The following VKORC1 variants were observed in gnomAD, a reference collection of about 807,000 sequenced individuals.
VKORC1 encodes the protein phylloquinone epoxide reductase.
In VKORC1, 12 loss-of-function variants were observed where a neutral mutation model predicts 14.8. The observed-to-expected ratio is 0.81, with a 90% confidence interval of 0.52 to 1.31. The LOEUF (loss-of-function observed/expected upper bound fraction) is 1.31, where lower values mean the gene tolerates loss of function less well. Among genes scored for constraint, VKORC1 ranks in the 50% most tolerant of loss-of-function variants. The probability of loss-of-function intolerance (pLI) is 0.00; values close to 1 mark genes in which losing one functional copy is unlikely to be tolerated. For synonymous variants in VKORC1, 94 were observed against 92.5 expected (o/e 1.02, Z -0.09); for missense variants, 223 against 215.3 (o/e 1.04, Z -0.22).
intron 2 of VKORC1, 127 bp from the exon 3 acceptor site, chr16:31,091,469 G>C: frequency 6.6e-7 from 1 of 1,519,346 alleles, no homozygotes; most frequent in South Asian, 1.2e-5. Context: ...AGAGGCTCCA[G>C]GGCAGATGTG....
At chr16:31,093,269 A>AGGGGCGGGGCGGGGCGGGCAGGGAG (rs1555501386) in intron 2 of VKORC1, 43 bp downstream of exon 2, 18 of 1,006,580 alleles carry the variant, frequency 1.8e-5, no homozygotes, top group East Asian at 1.1e-4. Context: ...AAGGGGGATG[A>AGGGGCGGGGCGGGGCGGGCAGGGAG]GGGGCGGGGC....
rs1003983905 is a variant in VKORC1 at position 31,091,079 on chromosome 16, A to T, written c.*55T>A. ...GGGACCCAGATATGCCCCCTTAGGC[A>T]AGGCTCACATGCCAAAGCAAAGCAG... On this transcript the variant is annotated 3_prime_UTR_variant, in exon 3 of 3. Coordinates refer to ENST00000394975, the MANE Select transcript of VKORC1 (RefSeq NM_024006.6). The T allele has an allele frequency of 2.5e-6, 4 of 1,603,904 alleles. No homozygotes were observed. In the African/African-American group the frequency reaches 5.3e-5, roughly 21 times the overall value.
intron 2 of VKORC1, among the ~76,000 whole-genome samples, chr16:31,092,300 G>A (rs922274715): frequency 2.7e-5 from 4 of 150,092 alleles, no homozygotes; most frequent in Non-Finnish European, 5.9e-5. Context: ...CTGCACTCCA[G>A]CCTGGGCAAC....
intron 2 of VKORC1, among the ~76,000 whole-genome samples, chr16:31,091,895 A>C (rs922307296): frequency 2.6e-5 from 4 of 151,742 alleles, no homozygotes; most frequent in African/African-American, 9.7e-5. Flanking sequence ...TCAAAAAAAA[A>C]ATGCCCGGTG....
Position 31,093,368 on chromosome 16 carries a change from A to G in VKORC1, c.227T>C (p.Leu76Pro). ...ACCGAATATGCTGTTGGATTGATTGAGGATGCTGTCCTGTCCCAGCACATG... is the reference window on the plus strand; with the variant it reads ...ACCGAATATGCTGTTGGATTGATTGGGGATGCTGTCCTGTCCCAGCACATG... ...VEHVLGQDSI[L>P]NQSNSIFGCI... The change falls in exon 2 of 3, where the codon CTC becomes CCC. Residue 76 changes from leucine to proline, a missense_variant. Transcript: ENST00000394975. 6.2e-7 allele frequency: 1 copy of G among 1,614,152 alleles called. No homozygotes were observed. Among genetic ancestry groups the G allele is most frequent in the Admixed American group, 1.7e-5 (1 of 60,024 alleles).
intron 1 of VKORC1, chr16:31,094,202 C>A: frequency 6.3e-7 from 1 of 1,594,278 alleles, no homozygotes; most frequent in Non-Finnish European, 8.6e-7. Context: ...CACCTTGTTC[C>A]TGGGCGCAGC....
In VKORC1 at chr16:31,092,656, C is replaced by T. The variant is rs1459727739; in HGVS notation, c.283+656G>A. The T allele has an allele frequency of 5.8e-5, 69 of 1,192,942 alleles. 2 individuals carry two copies. The highest frequency in any genetic ancestry group is 3.0e-5 in the South Asian group (2 of 66,046). The allele number at this position is 1,192,942 out of a possible 1,614,324, so 73.9% of individuals were successfully genotyped here. On this transcript the variant is annotated intron_variant, in intron 2 of 2. Coordinates refer to ENST00000394975, the MANE Select transcript of VKORC1 (RefSeq NM_024006.6). ...GGTTCCTCTCTCTGTTCTTATGGGA[C>T]TAGATACAAATTTTCCTGCTGAGCA...
chr16:31,091,882 G>A (rs1347286879), intron 2 of VKORC1, among the ~76,000 whole-genome samples: 2 of 150,312 alleles, frequency 1.3e-5, no homozygotes, highest in Non-Finnish European at 3.0e-5. Context: ...GCAAGACTTC[G>A]TCTCAAAAAA....
chr16:31,094,754 C>T lies in VKORC1; in HGVS notation c.-25G>A. 6.3e-7 allele frequency: 1 copy of T among 1,579,370 alleles called. No homozygotes were observed. Among genetic ancestry groups the T allele is most frequent in the South Asian group, 1.1e-5 (1 of 87,676 alleles). The stretch of plus-strand genomic sequence containing the variant: ...TTATCTCCAGGTTCCGCCCGAGGCG[C>T]CCGCGGAGAAAACCAGCCACGGAGC... On this transcript the variant is annotated 5_prime_UTR_variant, in exon 1 of 3. Coordinates refer to ENST00000394975, the MANE Select transcript of VKORC1 (RefSeq NM_024006.6).
intron 2 of VKORC1, chr16:31,092,880 A>AT (rs1463122826): frequency 2.5e-6 from 2 of 809,116 alleles, no homozygotes; most frequent in South Asian, 3.3e-5. Flanking sequence ...CCAAAAAAAA[A>AT]CAAAAACAAA....
intron 2 of VKORC1, among the ~76,000 whole-genome samples, chr16:31,092,103 G>A (rs1393686028): frequency 3.3e-5 from 5 of 149,920 alleles, no homozygotes; most frequent in Admixed American, 6.7e-5. Flanking sequence ...GCTTGAACCC[G>A]GGAGGCAGAG....
In VKORC1 at chr16:31,091,151, TG is replaced by T; in HGVS notation, c.474del (p.Lys159ArgfsTer26). 6.2e-7 allele frequency: 1 copy of T among 1,613,802 alleles called. No homozygotes were observed. Among genetic ancestry groups the T allele is most frequent in the South Asian group, 1.1e-5 (1 of 91,054 alleles). ...TTGAGGGCTCAGTGCCTCTTAGCCT[TG>T]CCCTGGGGTTCTTGGACCTTCCGGA... ...LSFRKVQEPQGKAKRH is the reference protein window; with the variant it reads ...LSFRKVQEPQXKAKRH On this transcript the variant is annotated frameshift_variant, in exon 3 of 3. Transcript: ENST00000394975. LOFTEE classifies it high-confidence loss of function.
At chr16:31,093,593 C>T in intron 1 of VKORC1, 172 bp from the exon 2 acceptor site, 3 of 1,494,766 alleles carry the variant, frequency 2.0e-6, no homozygotes, top group Admixed American at 2.1e-5. Context: ...CCTTTGGCCA[C>T]GTCAGGATTC....
intron 1 of VKORC1, chr16:31,094,292 T>G (rs1387362219): frequency 6.2e-7 from 1 of 1,612,894 alleles, no homozygotes; most frequent in Non-Finnish European, 8.5e-7. Context: ...CTCCCCGCCT[T>G]TCCTGGTCAC....
rs768158149 is a variant in VKORC1 at position 31,094,756 on chromosome 16, C to A, written c.-27G>T. The A allele has an allele frequency of 1.3e-6, 2 of 1,577,460 alleles. No homozygotes were observed. The highest frequency in any genetic ancestry group is 2.3e-5 in the East Asian group (1 of 43,352). ...ATCTCCAGGTTCCGCCCGAGGCGCC[C>A]GCGGAGAAAACCAGCCACGGAGCAG... On this transcript the variant is annotated 5_prime_UTR_variant, in exon 1 of 3. Coordinates refer to ENST00000394975, the MANE Select transcript of VKORC1 (RefSeq NM_024006.6).
At chr16:31,092,786 T>C (rs2057297766) in intron 2 of VKORC1, 5 of 1,279,210 alleles carry the variant, frequency 3.9e-6, no homozygotes, top group South Asian at 2.5e-5. Flanking sequence ...AGCTCACGCC[T>C]GTAATCCCCC....
Position 31,091,076 on chromosome 16 carries a change from G to GGCAA in VKORC1, c.*54_*57dup. Reference sequence around the variant, plus strand: ...CTAGGGACCCAGATATGCCCCCTTAGGCAAGGCTCACATGCCAAAGCAAAG... The same window carrying GGCAA: ...CTAGGGACCCAGATATGCCCCCTTAGGCAAGCAAGGCTCACATGCCAAAGCAAAG... On this transcript the variant is annotated 3_prime_UTR_variant, in exon 3 of 3. Transcript: ENST00000394975. 6.2e-7 allele frequency: 1 copy of GGCAA among 1,600,402 alleles called. No homozygotes were observed. Among genetic ancestry groups the GGCAA allele is most frequent in the Non-Finnish European group, 8.5e-7 (1 of 1,174,284 alleles).
In VKORC1 at chr16:31,094,590, G is replaced by A. The variant is rs772860822; in HGVS notation, c.140C>T (p.Thr47Ile). Residue 47 changes from threonine to isoleucine, a missense_variant, in exon 1 of 3, where the codon ACC becomes ATC. By Grantham distance (89) the Thr-to-Ile change is moderately conservative (BLOSUM62 -1). Transcript: ENST00000394975. ...GAAGACGCGCGAACAGCTGATGGCG[G>A]TGCCCACGTCGCAGAGCGCGCGGTA... ...RDYRALCDVG[T>I]AISCSRVFSS... 30 of 1,610,148 alleles carry A rather than the reference G, an allele frequency of 1.9e-5. No individual in the cohort carries two copies. In the Admixed American group the frequency reaches 4.9e-4, roughly 26 times the overall value.
chr16:31,094,283 T>C (rs1596797901), intron 1 of VKORC1: 1 of 1,612,848 alleles, frequency 6.2e-7, no homozygotes, highest in Non-Finnish European at 8.5e-7. Flanking sequence ...CCATCCTGCC[T>C]CCCCGCCTTT....
Sources: allele counts gnomAD v4.1 joint callset (sites outside exome capture counted in the v4.1 genomes callset), GRCh38; gene constraint gnomAD v4.1.1; transcripts MANE v1.5; gene names NCBI Gene and HGNC (gene_info 2026-07-23, HGNC 2026-07-21).